Variants in TAFA1 observed in about 807,000 individuals in gnomAD.
TAFA1 encodes chemokine-like protein TAFA-1.
Under a neutral mutation model 18.5 loss-of-function variants are expected in TAFA1, and 4 were observed. That is an observed-to-expected ratio of 0.22 (90% confidence interval 0.11 to 0.49). TAFA1 has a LOEUF of 0.49. Ranked by LOEUF, TAFA1 falls within the 20% of genes least tolerant of loss-of-function variation. The pLI, the probability that TAFA1 is intolerant of heterozygous loss-of-function variation, is 0.98. For synonymous variants in TAFA1, 56 were observed against 55.2 expected, an observed-to-expected ratio of 1.01 and a Z score of -0.06; for missense variants, 147 against 169.0, an observed-to-expected ratio of 0.87 and a Z score of 0.72.
chr3:68,191,138 TTG>T (rs1575670433), intron 2 of TAFA1, among the ~76,000 whole-genome samples: 1 of 151,808 alleles, frequency 6.6e-6, no homozygotes, highest in East Asian at 1.9e-4. Context: ...GATGAGTCTA[TTG>T]TGTGTCTATC....
At chr3:68,374,880 C>A (rs551770742) in intron 2 of TAFA1, among the ~76,000 whole-genome samples, 2 of 152,032 alleles carry the variant, frequency 1.3e-5, no homozygotes, top group Non-Finnish European at 2.9e-5. Flanking sequence ...CTTTATGGAT[C>A]GCATTACTTT....
At chr3:68,003,748 T>G (rs1704313029), upstream of TAFA1, among the ~76,000 whole-genome samples, 1 of 152,178 alleles carries the variant, frequency 6.6e-6, no homozygotes, top group South Asian at 2.1e-4. Context: ...TTTCTTCATT[T>G]GATGCTGAAA....
At chr3:68,453,114 G>A (rs1575880529) in intron 3 of TAFA1, among the ~76,000 whole-genome samples, 1 of 152,216 alleles carries the variant, frequency 6.6e-6, no homozygotes, top group East Asian at 1.9e-4. Context: ...AGAGACATAA[G>A]CGCTTACTAA....
At chr3:68,120,226 TTTCTTTCTTTC>T (rs2065379450) in intron 2 of TAFA1, among the ~76,000 whole-genome samples, 1 of 137,646 alleles carries the variant, frequency 7.3e-6, no homozygotes, top group Non-Finnish European at 1.5e-5. Flanking sequence ...TCTTTCTTTC[TTTCTTTCTTTC>T]TTTCTTTCTT....
chr3:68,200,073 T>C (rs2107036588), intron 2 of TAFA1, among the ~76,000 whole-genome samples: 1 of 151,776 alleles, frequency 6.6e-6, no homozygotes, highest in South Asian at 2.1e-4. Flanking sequence ...TATTGAATGC[T>C]TTTTCTGCAT....
At chr3:68,050,736 C>A (rs562254489) in intron 2 of TAFA1, among the ~76,000 whole-genome samples, 2 of 152,136 alleles carry the variant, frequency 1.3e-5, no homozygotes, top group Non-Finnish European at 2.9e-5. Flanking sequence ...CTAACTTTTC[C>A]TGTAAAAGTC....
intron 3 of TAFA1, among the ~76,000 whole-genome samples, chr3:68,512,680 TTTTGTTTGTTTGTTTGTTTG>T (rs60422556): frequency 1.3e-4 from 19 of 150,792 alleles, no homozygotes; most frequent in Non-Finnish European, 2.2e-4. Flanking sequence ...TTTGCTGGTT[TTTTGTTTGTTTGTTTGTTTG>T]TTTGTTTGTT....
intron 3 of TAFA1, among the ~76,000 whole-genome samples, chr3:68,455,410 C>T (rs574974605): frequency 6.6e-6 from 1 of 152,068 alleles, no homozygotes; most frequent in Non-Finnish European, 1.5e-5. Context: ...TCTCTACCCA[C>T]CATTTGCTTT....
At chr3:68,016,469 A>G (rs1704572452) in intron 2 of TAFA1, among the ~76,000 whole-genome samples, 1 of 152,166 alleles carries the variant, frequency 6.6e-6, no homozygotes. Context: ...CTTAGGTACT[A>G]GAGTTAGGTT....
chr3:68,247,366 C>T (rs1188327007), intron 2 of TAFA1: 1 of 152,224 alleles, frequency 6.6e-6, no homozygotes, highest in Non-Finnish European at 1.5e-5. Context: ...CCAGATGTCA[C>T]CAGCACTAAC....
intron 2 of TAFA1, among the ~76,000 whole-genome samples, chr3:68,365,241 T>A (rs1012127831): frequency 4.6e-5 from 7 of 152,310 alleles, no homozygotes; most frequent in African/African-American, 1.7e-4. Flanking sequence ...ATAATTTTCA[T>A]AAGATACACA....
At chr3:68,506,046 C>T (rs2072745202) in intron 3 of TAFA1, among the ~76,000 whole-genome samples, 1 of 152,028 alleles carries the variant, frequency 6.6e-6, no homozygotes, top group African/African-American at 2.4e-5. Flanking sequence ...CCTACCTCCC[C>T]ACCTCCTGAT....
At chr3:68,318,074 T>C (rs928520979) in intron 2 of TAFA1, among the ~76,000 whole-genome samples, 2 of 152,206 alleles carry the variant, frequency 1.3e-5, no homozygotes, top group African/African-American at 4.8e-5. Flanking sequence ...TCTATAATTT[T>C]AATAGAATTA....
intron 2 of TAFA1, among the ~76,000 whole-genome samples, chr3:68,104,550 A>T (rs542125518): frequency 6.6e-6 from 1 of 152,186 alleles, no homozygotes; most frequent in South Asian, 2.1e-4. Flanking sequence ...ATTCAAATGA[A>T]TTTTCTCTTT....
At chr3:68,471,131 G>T (rs2071988972) in intron 3 of TAFA1, among the ~76,000 whole-genome samples, 1 of 152,220 alleles carries the variant, frequency 6.6e-6, no homozygotes, top group Admixed American at 6.5e-5. Context: ...TATTGAGTCT[G>T]CAGGTGCACA....
At chr3:68,147,376 C>CA (rs34380524) in intron 2 of TAFA1, among the ~76,000 whole-genome samples, 2 of 151,886 alleles carry the variant, frequency 1.3e-5, no homozygotes, top group African/African-American at 2.4e-5. Flanking sequence ...AAGAAAACTC[C>CA]AAAAAAGGCT....
Position 68,163,972 on chromosome 3 carries a change from T to A in TAFA1, c.118+157228T>A, listed in dbSNP as rs1455835925. On this transcript the variant is annotated intron_variant, in intron 2 of 4. Transcript: ENST00000478136. ...ATAAATTGTGTAATCTCTTCAAAAT[T>A]TTCTGAGCTGATCCTATATCCCAGT... Among the ~76,000 whole-genome samples the A allele has an allele frequency of 3.3e-5, 5 of 152,204 alleles. No individual in the cohort carries two copies. In the South Asian group the frequency reaches 6.2e-4, roughly 19 times the overall value.
At chr3:68,001,084 A>C (rs1013151423), upstream of TAFA1, among the ~76,000 whole-genome samples, 5 of 152,230 alleles carry the variant, frequency 3.3e-5, no homozygotes, top group African/African-American at 1.2e-4. Flanking sequence ...TCCTTGCAAA[A>C]AAAAGAGACT....
chr3:68,127,845 AGTG>A (rs918466745), intron 2 of TAFA1, among the ~76,000 whole-genome samples: 2 of 123,562 alleles, frequency 1.6e-5, no homozygotes, highest in African/African-American at 6.8e-5. Context: ...TGCTGATAGC[AGTG>A]GTGGTGGTGG....
Sources: allele counts gnomAD v4.1 joint callset (sites outside exome capture counted in the v4.1 genomes callset), GRCh38; gene constraint gnomAD v4.1.1; transcripts MANE v1.5; gene names NCBI Gene and HGNC (gene_info 2026-07-23, HGNC 2026-07-21).